Variants in ARHGAP22 observed in about 807,000 individuals in gnomAD.
The protein encoded by ARHGAP22 is Rho GTPase activating protein 22.
In ARHGAP22, 48 loss-of-function variants were observed where a neutral mutation model predicts 59.1. That is an observed-to-expected ratio of 0.81 (90% CI 0.64 to 1.03). The LOEUF (loss-of-function observed/expected upper bound fraction) is 1.03, where lower values mean the gene tolerates loss of function less well. Ranked by LOEUF, ARHGAP22 falls within the 50% of genes least tolerant of loss-of-function variation. The probability of loss-of-function intolerance (pLI) is 0.00; values close to 1 mark genes in which losing one functional copy is unlikely to be tolerated. For synonymous variants in ARHGAP22, 445 were observed against 416.4 expected, an observed-to-expected ratio of 1.07 and a Z score of -0.84; for missense variants, 1,015 against 958.7, an observed-to-expected ratio of 1.06 and a Z score of -0.78.
chr10:48,561,732 T>C (rs759926197), intron 2 of ARHGAP22, among the ~76,000 whole-genome samples: 8 of 152,334 alleles, frequency 5.3e-5, no homozygotes, highest in Non-Finnish European at 1.2e-4. Flanking sequence ...GCTCATGAGA[T>C]GATCTTCAAC....
intron 1 of ARHGAP22, among the ~76,000 whole-genome samples, chr10:48,633,001 CA>C (rs1394969895): frequency 5.4e-4 from 82 of 152,314 alleles, no homozygotes; most frequent in African/African-American, 1.9e-3. Flanking sequence ...CAGAGGACAT[CA>C]CCTGCCACAC....
chr10:48,600,961 C>A (rs1213917928), intron 1 of ARHGAP22, among the ~76,000 whole-genome samples: 9 of 152,192 alleles, frequency 5.9e-5, no homozygotes, highest in Non-Finnish European at 1.2e-4. Context: ...CCTGGATGCA[C>A]CCTTCCATGA....
In ARHGAP22 at chr10:48,519,357, A is replaced by G. The variant is rs913671204; in HGVS notation, c.322+36106T>C. On this transcript the variant is annotated intron_variant, in intron 3 of 9. Transcript: ENST00000249601. ...ACCCCAGTGAGCCCAAGCCTGGCAG[A>G]GCCTATACTCTGTCCACCAGCAAAG... 2.6e-5 allele frequency among the ~76,000 whole-genome samples: 4 copies of G among 152,214 alleles called. No homozygotes were observed. The East Asian group carries it at 7.7e-4, about 29-fold the overall frequency.
intron 2 of ARHGAP22, among the ~76,000 whole-genome samples, chr10:48,580,673 A>T (rs1486855989): frequency 6.6e-6 from 1 of 152,188 alleles, no homozygotes; most frequent in Non-Finnish European, 1.5e-5. Flanking sequence ...TTGAAGGGCC[A>T]AGGCTGGTCT....
intron 1 of ARHGAP22, among the ~76,000 whole-genome samples, chr10:48,599,213 A>C (rs2060244666): frequency 6.6e-6 from 1 of 152,220 alleles, no homozygotes; most frequent in South Asian, 2.1e-4. Flanking sequence ...AGGTAGGTCA[A>C]AGCCTGCTAC....
chr10:48,631,832 T>C (rs925819849), intron 1 of ARHGAP22, among the ~76,000 whole-genome samples: 2 of 152,234 alleles, frequency 1.3e-5, no homozygotes, highest in Non-Finnish European at 2.9e-5. Context: ...CTGATGCTCT[T>C]TCTTTATGTA....
chr10:48,642,021 A>G (rs1473695995), intron 1 of ARHGAP22, among the ~76,000 whole-genome samples: 1 of 152,238 alleles, frequency 6.6e-6, no homozygotes, highest in Non-Finnish European at 1.5e-5. Context: ...CTAGGAATCC[A>G]GCTTACAAGG....
At chr10:48,557,423 C>T (rs1160134239) in intron 2 of ARHGAP22, among the ~76,000 whole-genome samples, 7 of 152,296 alleles carry the variant, frequency 4.6e-5, no homozygotes, top group Non-Finnish European at 1.0e-4. Context: ...TTTATAAAGA[C>T]TGTACTATAT....
intron 1 of ARHGAP22, among the ~76,000 whole-genome samples, chr10:48,635,046 C>T (rs1589260335): frequency 6.6e-6 from 1 of 152,068 alleles, no homozygotes; most frequent in Non-Finnish European, 1.5e-5. Flanking sequence ...CCCTGGGGCC[C>T]GAGGTGCTTT....
intron 3 of ARHGAP22, among the ~76,000 whole-genome samples, chr10:48,525,521 C>G (rs1015510935): frequency 1.3e-5 from 2 of 152,130 alleles, no homozygotes; most frequent in Non-Finnish European, 2.9e-5. Flanking sequence ...TGCAGTGAGC[C>G]GAGATTCGGC....
intron 3 of ARHGAP22, among the ~76,000 whole-genome samples, chr10:48,517,168 T>C (rs924860816): frequency 2.0e-5 from 3 of 152,226 alleles, no homozygotes; most frequent in Non-Finnish European, 2.9e-5. Flanking sequence ...ATTTTGGTGA[T>C]AGTTGCATAA....
chr10:48,580,070 C>A lies in ARHGAP22; in HGVS notation c.234+2883G>T, dbSNP rs904488470. On this transcript the variant is annotated intron_variant, in intron 2 of 9. Transcript: ENST00000249601. Reference sequence around the variant, plus strand: ...TCCCAAGAGGAATTGGGAGTGAGTGCCAGCCAGACCCAGAAAGGCCACAAG... The same window carrying A: ...TCCCAAGAGGAATTGGGAGTGAGTGACAGCCAGACCCAGAAAGGCCACAAG... 3.3e-5 allele frequency among the ~76,000 whole-genome samples: 5 copies of A among 152,080 alleles called. No individual in the cohort carries two copies. In the East Asian group the frequency reaches 9.6e-4, roughly 29 times the overall value.
chr10:48,627,189 T>C (rs2136071569), intron 1 of ARHGAP22, among the ~76,000 whole-genome samples: 1 of 152,294 alleles, frequency 6.6e-6, no homozygotes, highest in East Asian at 1.9e-4. Flanking sequence ...GTGTTCTTTG[T>C]CATTAACCTG....
intron 3 of ARHGAP22, among the ~76,000 whole-genome samples, chr10:48,508,387 C>T (rs770112884): frequency 6.6e-6 from 1 of 152,248 alleles, no homozygotes; most frequent in Non-Finnish European, 1.5e-5. Context: ...CACTTCAGTG[C>T]GGCTGGCATG....
intron 1 of ARHGAP22, among the ~76,000 whole-genome samples, chr10:48,600,984 C>T (rs986293730): frequency 2.6e-5 from 4 of 152,162 alleles, no homozygotes; most frequent in East Asian, 1.9e-4. Context: ...AGTTCTAATA[C>T]GCCCCTTCTT....
chr10:48,531,116 T>G (rs1270745251), intron 3 of ARHGAP22, among the ~76,000 whole-genome samples: 1 of 152,234 alleles, frequency 6.6e-6, no homozygotes, highest in Non-Finnish European at 1.5e-5. Flanking sequence ...ATAATGGCAT[T>G]TGCAGCAACT....
chr10:48,498,129 C>T (rs958910657), intron 3 of ARHGAP22, among the ~76,000 whole-genome samples: 8 of 152,134 alleles, frequency 5.3e-5, no homozygotes, highest in Admixed American at 1.3e-4. Flanking sequence ...CCTGTCATCA[C>T]GAGCCCACAT....
chr10:48,596,129 C>A (rs185274436), intron 1 of ARHGAP22, among the ~76,000 whole-genome samples: 150 of 152,342 alleles, frequency 9.8e-4, no homozygotes, highest in African/African-American at 3.4e-3. Flanking sequence ...TGCCTCCTGG[C>A]TCAGCTGAGG....
chr10:48,453,401 G>C lies in ARHGAP22; in HGVS notation c.891C>G (p.Tyr297Ter), dbSNP rs976293009. 6.2e-7 allele frequency: 1 copy of C among 1,613,996 alleles called. No homozygotes were observed. The highest frequency in any genetic ancestry group is 1.6e-4 in the Middle Eastern group (1 of 6,062). Reference sequence around the variant, plus strand: ...GGACACTCATCTTGTTGACATTTGAGTATGCCTGAACTTCATCCAGAAACC... The same window carrying C: ...GGACACTCATCTTGTTGACATTTGACTATGCCTGAACTTCATCCAGAAACC... ...ICKFLDEVQA[Y>*]SNVNKMSVQN... The change falls in exon 8 of 10, where the codon TAC (tyrosine) becomes TAG (stop). Residue 297 changes from tyrosine to a stop codon, truncating the protein, a stop_gained. Transcript: ENST00000249601. LOFTEE classifies it high-confidence loss of function.
Sources: allele counts gnomAD v4.1 joint callset (sites outside exome capture counted in the v4.1 genomes callset), GRCh38; gene constraint gnomAD v4.1.1; transcripts MANE v1.5; gene names NCBI Gene and HGNC (gene_info 2026-07-23, HGNC 2026-07-21).